The following ERBB4 variants were observed in gnomAD, a reference collection of about 807,000 sequenced individuals.
ERBB4 encodes the protein erb-b2 receptor tyrosine kinase 4, also known as receptor tyrosine-protein kinase erbB-4.
ERBB4 carries 42 observed loss-of-function variants against 158.0 expected under a neutral mutation model. The observed-to-expected ratio is 0.27, with a 90% CI of 0.21 to 0.34. ERBB4 has a LOEUF of 0.34. Among genes scored for constraint, ERBB4 ranks in the 10% least tolerant of loss-of-function variants. ERBB4 has a pLI of 1.00. For synonymous variants in ERBB4, 583 were observed against 558.7 expected (o/e 1.04, Z -0.61); for missense variants, 1,333 against 1,624.1 (o/e 0.82, Z 3.08).
At chr2:212,470,390 T>G (rs1201443308) in intron 1 of ERBB4, among the ~76,000 whole-genome samples, 1 of 152,104 alleles carries the variant, frequency 6.6e-6, no homozygotes, top group African/African-American at 2.4e-5. Flanking sequence ...AACTACGTGA[T>G]TAAAATAAGG....
chr2:212,456,136 T>A (rs565444369), intron 1 of ERBB4, among the ~76,000 whole-genome samples: 63 of 152,300 alleles, frequency 4.1e-4, no homozygotes, highest in African/African-American at 1.4e-3. Context: ...AGAGCATTTT[T>A]AAAATTAAAT....
chr2:211,442,642 G>A (rs145939568), intron 20 of ERBB4, among the ~76,000 whole-genome samples: 6 of 150,004 alleles, frequency 4.0e-5, no homozygotes, highest in Non-Finnish European at 4.5e-5. Flanking sequence ...ACACACACAC[G>A]TATATATGTG....
At chr2:212,127,199 GATA>G (rs1484086210) in intron 1 of ERBB4, among the ~76,000 whole-genome samples, 1 of 152,198 alleles carries the variant, frequency 6.6e-6, no homozygotes, top group Non-Finnish European at 1.5e-5. Context: ...TCAATATAAT[GATA>G]ATAAGACAAA....
In ERBB4 at chr2:212,192,475, T is replaced by C. The variant is rs2082303557; in HGVS notation, c.83-67572A>G. Among the ~76,000 whole-genome samples the C allele has an allele frequency of 3.9e-5, 6 of 152,094 alleles. No homozygotes were observed. The South Asian group carries it at 1.2e-3, about 31-fold the overall frequency. On this transcript the variant is annotated intron_variant, in intron 1 of 27. Transcript: ENST00000342788. ...TATTTCAGTCTATATTTATGTTATG[T>C]GGTTTTCCATGTACATTTTGTTCAT...
intron 14 of ERBB4, among the ~76,000 whole-genome samples, chr2:211,672,408 C>G (rs73080760): frequency 0.01 from 1,573 of 152,126 alleles, 31 homozygotes; most frequent in African/African-American, 0.036. Flanking sequence ...TGATGGAAAC[C>G]AAAGAGAGGT....
chr2:212,002,246 T>C (rs1046319002), intron 2 of ERBB4, among the ~76,000 whole-genome samples: 20 of 152,262 alleles, frequency 1.3e-4, no homozygotes, highest in African/African-American at 4.8e-4. Context: ...GAATCAGCTC[T>C]AGTGAGAGAC....
At chr2:211,457,639 A>G (rs2064416346) in intron 20 of ERBB4, among the ~76,000 whole-genome samples, 1 of 152,206 alleles carries the variant, frequency 6.6e-6, no homozygotes, top group Non-Finnish European at 1.5e-5. Context: ...AGGGTCGTGG[A>G]GGAAGAACTC....
intron 1 of ERBB4, among the ~76,000 whole-genome samples, chr2:212,409,562 AG>A (rs1446048719): frequency 3.3e-5 from 5 of 152,162 alleles, no homozygotes; most frequent in Non-Finnish European, 7.4e-5. Context: ...CTTTATTCAA[AG>A]TGCATGTTCT....
chr2:211,845,050 G>C lies in ERBB4; in HGVS notation c.422-56891C>G, dbSNP rs2077557615. Among the ~76,000 whole-genome samples the C allele has an allele frequency of 2.6e-5, 4 of 152,110 alleles. No individual in the cohort carries two copies. The South Asian group carries it at 6.2e-4, about 24-fold the overall frequency. On this transcript the variant is annotated intron_variant, in intron 3 of 27. Transcript: ENST00000342788. ...GGAGGCACTCTGCTCTGAATTGAAG[G>C]AAGCATGGTCAGTATTGTCCTCAAA...
intron 2 of ERBB4, among the ~76,000 whole-genome samples, chr2:212,021,833 G>GA (rs144657187): frequency 2.7e-4 from 40 of 149,938 alleles, no homozygotes; most frequent in East Asian, 1.2e-3. Flanking sequence ...AAATTTACAA[G>GA]AAAAAAAAAC....
intron 1 of ERBB4, among the ~76,000 whole-genome samples, chr2:212,469,780 G>A (rs115206128): frequency 5.3e-5 from 8 of 152,160 alleles, no homozygotes; most frequent in Non-Finnish European, 1.2e-4. Context: ...GTGTGATCAT[G>A]CATACTTAAT....
At chr2:212,513,467 G>C (rs1274788893) in intron 1 of ERBB4, among the ~76,000 whole-genome samples, 2 of 152,158 alleles carry the variant, frequency 1.3e-5, no homozygotes, top group African/African-American at 4.8e-5. Flanking sequence ...GCCCTGAGAA[G>C]TAAAAGTATC....
chr2:211,508,916 C>T (rs892932307), intron 20 of ERBB4, among the ~76,000 whole-genome samples: 3 of 150,540 alleles, frequency 2.0e-5, no homozygotes, highest in Non-Finnish European at 2.9e-5. Flanking sequence ...GGTGACAGAG[C>T]GAGACTGTCT....
chr2:211,669,351 C>A (rs575410023), intron 14 of ERBB4, among the ~76,000 whole-genome samples: 1 of 151,838 alleles, frequency 6.6e-6, no homozygotes, highest in African/African-American at 2.4e-5. Context: ...GCAGCACAAC[C>A]TTTATTAACC....
At chr2:212,315,222 A>G (rs1022888026) in intron 1 of ERBB4, among the ~76,000 whole-genome samples, 1 of 151,320 alleles carries the variant, frequency 6.6e-6, no homozygotes, top group African/African-American at 2.4e-5. Context: ...TGCTCCTCTG[A>G]TTTTATAATA....
chr2:212,034,178 G>C (rs1362276679), intron 2 of ERBB4, among the ~76,000 whole-genome samples: 1 of 151,730 alleles, frequency 6.6e-6, no homozygotes, highest in African/African-American at 2.4e-5. Context: ...TTACTAATCT[G>C]TGTTTCTTCT....
intron 5 of ERBB4, among the ~76,000 whole-genome samples, chr2:211,728,511 CTT>C (rs2074339558): frequency 6.6e-6 from 1 of 151,622 alleles, no homozygotes; most frequent in East Asian, 1.9e-4. Flanking sequence ...AAAGGAAACA[CTT>C]TTAACAGACA....
intron 1 of ERBB4, among the ~76,000 whole-genome samples, chr2:212,462,395 ACAACT>A (rs1688621697): frequency 6.6e-6 from 1 of 152,224 alleles, no homozygotes; most frequent in Admixed American, 6.5e-5. Flanking sequence ...ATGAGCTCAA[ACAACT>A]CAACAGCAAA....
chr2:212,013,008 G>A (rs982008598), intron 2 of ERBB4, among the ~76,000 whole-genome samples: 14 of 151,510 alleles, frequency 9.2e-5, no homozygotes, highest in African/African-American at 3.4e-4. Context: ...GACTCCCAAA[G>A]TGCTGATACT....
Sources: allele counts gnomAD v4.1 joint callset (sites outside exome capture counted in the v4.1 genomes callset), GRCh38; gene constraint gnomAD v4.1.1; transcripts MANE v1.5; gene names NCBI Gene and HGNC (gene_info 2026-07-23, HGNC 2026-07-21).